The following GRXCR1 variants were observed in gnomAD, a reference collection of about 807,000 sequenced individuals.
GRXCR1 encodes the protein glutaredoxin and cysteine rich domain containing 1.
GRXCR1 carries 27 observed loss-of-function variants against 27.3 expected under a neutral mutation model. That is an observed-to-expected ratio of 0.99 (90% CI 0.73 to 1.37). The LOEUF is 1.37. Ranked by LOEUF, GRXCR1 falls within the 40% of genes most tolerant of loss-of-function variation. The probability of loss-of-function intolerance (pLI) is 0.00; values close to 1 mark genes in which losing one functional copy is unlikely to be tolerated. For missense variants in GRXCR1, 379 were observed against 354.4 expected (o/e 1.07, Z -0.56); for synonymous variants, 122 against 131.1 (o/e 0.93, Z 0.47).
intron 2 of GRXCR1, among the ~76,000 whole-genome samples, chr4:42,963,903 A>G (rs1748183113): frequency 1.3e-5 from 2 of 151,986 alleles, no homozygotes; most frequent in Non-Finnish European, 1.5e-5. Context: ...CGAACCACAG[A>G]TGGATACTTG....
chr4:43,019,849 G>A (rs1188032084), intron 2 of GRXCR1, among the ~76,000 whole-genome samples: 1 of 152,144 alleles, frequency 6.6e-6, no homozygotes, highest in Admixed American at 6.5e-5. Flanking sequence ...TGATATTTAT[G>A]CCAAACTCAA....
At chr4:42,976,057 C>A (rs1748512173) in intron 2 of GRXCR1, among the ~76,000 whole-genome samples, 1 of 152,128 alleles carries the variant, frequency 6.6e-6, no homozygotes, top group Non-Finnish European at 1.5e-5. Flanking sequence ...TTACCCATGA[C>A]TTTGCCTCTT....
intron 1 of GRXCR1, among the ~76,000 whole-genome samples, chr4:42,961,727 T>C (rs987897859): frequency 6.6e-6 from 1 of 151,914 alleles, no homozygotes; most frequent in African/African-American, 2.4e-5. Flanking sequence ...CTCCATAAGG[T>C]GGAGAACTTT....
At chr4:43,009,571 G>A (rs144635709) in intron 2 of GRXCR1, among the ~76,000 whole-genome samples, 7 of 152,196 alleles carry the variant, frequency 4.6e-5, no homozygotes, top group Non-Finnish European at 7.4e-5. Context: ...GTGAGACTGG[G>A]GAGTCCAAGA....
intron 1 of GRXCR1, among the ~76,000 whole-genome samples, chr4:42,934,222 T>C (rs1300011233): frequency 1.5e-5 from 2 of 132,438 alleles, no homozygotes. Context: ...ATAACTGTTA[T>C]ATGTGTATGA....
Position 42,893,433 on chromosome 4 carries a change from G to A in GRXCR1, c.167G>A (p.Gly56Asp), listed in dbSNP as rs1746278254. The change falls in exon 1 of 4, where the codon GGT (glycine) becomes GAT (aspartate). Residue 56 changes from glycine to aspartate, a missense_variant. Transcript: ENST00000399770. ...AGTATCTGTGGGATAGATGGACTAG[G>A]TGATTCCGATGGACAGCAGAATGGC... ...CASICGIDGL[G>D]DSDGQQNGHI... The A allele has an allele frequency of 2.5e-6, 4 of 1,613,884 alleles. No individual in the cohort carries two copies. Among genetic ancestry groups the A allele is most frequent in the Admixed American group, 1.7e-5 (1 of 59,996 alleles).
intron 1 of GRXCR1, among the ~76,000 whole-genome samples, chr4:42,911,576 C>A (rs541804830): frequency 1.3e-5 from 2 of 152,014 alleles, no homozygotes; most frequent in South Asian, 2.1e-4. Context: ...GATAGAAGGG[C>A]AACTAGGTTT....
chr4:42,987,222 T>TATTATATATTATATATATATTATA (rs369022273), intron 2 of GRXCR1, among the ~76,000 whole-genome samples: 1 of 100,594 alleles, frequency 9.9e-6, no homozygotes, highest in African/African-American at 3.8e-5. Flanking sequence ...TATATATATA[T>TATTATATATTATATATATATTATA]TATATATTAT....
At chr4:42,965,765 A>G (rs900917979) in intron 2 of GRXCR1, among the ~76,000 whole-genome samples, 2 of 152,036 alleles carry the variant, frequency 1.3e-5, no homozygotes, top group Admixed American at 6.6e-5. Flanking sequence ...AAACAGCCAG[A>G]GAATGAGGTA....
At chr4:42,943,191 A>AT in intron 1 of GRXCR1, among the ~76,000 whole-genome samples, 1 of 152,076 alleles carries the variant, frequency 6.6e-6, no homozygotes, top group Non-Finnish European at 1.5e-5. Flanking sequence ...ATATAGGTAA[A>AT]TTTTCAATAA....
chr4:42,985,134 T>G (rs1409539236), intron 2 of GRXCR1, among the ~76,000 whole-genome samples: 3 of 152,190 alleles, frequency 2.0e-5, no homozygotes, highest in Non-Finnish European at 4.4e-5. Context: ...CTGGTTCCCT[T>G]AGTTCTTCTG....
At chr4:42,904,861 T>C (rs1339962803) in intron 1 of GRXCR1, among the ~76,000 whole-genome samples, 1 of 152,146 alleles carries the variant, frequency 6.6e-6, no homozygotes, top group African/African-American at 2.4e-5. Flanking sequence ...CTGTAACATA[T>C]GGCAAGAACT....
intron 1 of GRXCR1, among the ~76,000 whole-genome samples, chr4:42,899,030 T>A (rs1439835323): frequency 1.3e-5 from 2 of 152,084 alleles, no homozygotes; most frequent in African/African-American, 4.8e-5. Flanking sequence ...CTGATAGAAC[T>A]TAGAGTCCTG....
chr4:42,945,589 C>T (rs919772544), intron 1 of GRXCR1, among the ~76,000 whole-genome samples: 1 of 152,058 alleles, frequency 6.6e-6, no homozygotes, highest in African/African-American at 2.4e-5. Context: ...GTGGCTGTGG[C>T]ATAGAGGTTT....
chr4:42,924,594 C>T (rs773938634), intron 1 of GRXCR1, among the ~76,000 whole-genome samples: 12 of 152,034 alleles, frequency 7.9e-5, no homozygotes, highest in Non-Finnish European at 1.6e-4. Context: ...CTTTCCTTTA[C>T]TTAACAAAAA....
intron 2 of GRXCR1, among the ~76,000 whole-genome samples, chr4:43,001,748 A>T (rs1315746389): frequency 6.6e-6 from 1 of 152,206 alleles, no homozygotes; most frequent in East Asian, 1.9e-4. Context: ...CAGTGGGTCC[A>T]GGGGACCGGT....
chr4:43,013,624 C>T (rs934471163), intron 2 of GRXCR1, among the ~76,000 whole-genome samples: 2 of 151,796 alleles, frequency 1.3e-5, no homozygotes, highest in Non-Finnish European at 2.9e-5. Context: ...ACCCCTGAAT[C>T]GAAAATACAA....
intron 1 of GRXCR1, among the ~76,000 whole-genome samples, chr4:42,922,899 A>G (rs912521273): frequency 1.3e-5 from 2 of 152,040 alleles, no homozygotes; most frequent in African/African-American, 2.4e-5. Flanking sequence ...CTCTGGCTTC[A>G]CAGTGCTAAA....
chr4:42,989,098 C>T (rs1335668468), intron 2 of GRXCR1, among the ~76,000 whole-genome samples: 1 of 152,200 alleles, frequency 6.6e-6, no homozygotes, highest in Admixed American at 6.5e-5. Flanking sequence ...TATCAGGAAA[C>T]ACACTTTCTA....
Sources: gnomAD v4.1 joint callset for allele counts (sites outside exome capture counted in the v4.1 genomes callset) on GRCh38, gnomAD v4.1.1 for gene constraint, MANE v1.5 for transcripts, NCBI Gene and HGNC (gene_info 2026-07-23, HGNC 2026-07-21) for gene names.